The following BCL11B variants were observed in gnomAD, a reference collection of about 807,000 sequenced individuals.
The protein encoded by BCL11B is BCL11 transcription factor B, also known as B-cell lymphoma/leukemia 11B.
Under a neutral mutation model 49.9 loss-of-function variants are expected in BCL11B, and 8 were observed. The observed-to-expected ratio is 0.16, with a 90% CI of 0.09 to 0.29. The LOEUF (loss-of-function observed/expected upper bound fraction) is 0.29. Ranked by LOEUF, BCL11B falls within the 10% of genes least tolerant of loss-of-function variation. The pLI is 1.00. For synonymous variants in BCL11B, 739 were observed against 637.4 expected, an observed-to-expected ratio of 1.16 and a Z score of -2.40; for missense variants, 1,006 against 1,351.0, an observed-to-expected ratio of 0.74 and a Z score of 4.00.
rs759599743 is a variant in BCL11B at position 99,199,683 on chromosome 14, T to TGTGTGTGTGTGTGTGCGCGCGC, written c.641-23489_641-23488insGCGCGCGCACACACACACACAC. Among the ~76,000 whole-genome samples the TGTGTGTGTGTGTGTGCGCGCGC allele has an allele frequency of 5.0e-4, 37 of 73,712 alleles. 1 individual carries two copies. The highest frequency in any genetic ancestry group is 1.2e-3 in the African/African-American group (37 of 29,672). 48.4% of individuals were successfully genotyped at this position (73,712 alleles called of 152,430 possible). On this transcript the variant is annotated intron_variant, in intron 3 of 3. Transcript: ENST00000357195. ...GTGTGTGTGTGTGTGTGTGTGTGTGTGCGCGCGCGCGCGCACGTGCACGTG... is the reference window on the plus strand; with the variant it reads ...GTGTGTGTGTGTGTGTGTGTGTGTGTGTGTGTGTGTGTGTGCGCGCGCGCGCGCGCGCGCGCACGTGCACGTG...
Position 99,231,665 on chromosome 14 carries a change from G to T in BCL11B, c.428-108C>A. On this transcript the variant is annotated intron_variant, in intron 2 of 3. Coordinates refer to ENST00000357195, the MANE Select transcript of BCL11B (RefSeq NM_138576.4). This position sits in a 1 kb window ranked among gnomAD's most constrained non-coding sequence, Gnocchi z 8.1. ...TGGGGCTCTGCTCAGGCCACCCTTCGGGGGTGGGAGGCCCCCGGGGTGCCA... is the reference window on the plus strand; with the variant it reads ...TGGGGCTCTGCTCAGGCCACCCTTCTGGGGTGGGAGGCCCCCGGGGTGCCA... 3 of 1,172,510 alleles carry T rather than the reference G, an allele frequency of 2.6e-6. No individual in the cohort carries two copies. Among genetic ancestry groups the T allele is most frequent in the Non-Finnish European group, 3.6e-6 (3 of 831,294 alleles). 72.6% of individuals were successfully genotyped at this position (1,172,510 alleles called of 1,614,324 possible). A position where few individuals can be genotyped will look rare whatever the true frequency, so the allele number is the denominator to read the frequency against.
chr14:99,235,594 C>T (rs1257460612), intron 2 of BCL11B, among the ~76,000 whole-genome samples: 1 of 152,176 alleles, frequency 6.6e-6, no homozygotes, highest in Admixed American at 6.5e-5. Flanking sequence ...ATATTCATCT[C>T]TGAGGCTCAA....
At chr14:99,220,261 G>A (rs956400814) in intron 3 of BCL11B, among the ~76,000 whole-genome samples, 31 of 152,148 alleles carry the variant, frequency 2.0e-4, no homozygotes, top group African/African-American at 7.2e-4. Context: ...CAAAAGAACT[G>A]AAAGCAAGGA....
intron 2 of BCL11B, among the ~76,000 whole-genome samples, chr14:99,235,965 G>T (rs188734865): frequency 1.3e-5 from 2 of 152,202 alleles, no homozygotes; most frequent in Non-Finnish European, 1.5e-5. Flanking sequence ...TAATGAGGGC[G>T]ATTGATGGCT....
In BCL11B at chr14:99,175,270, G is replaced by C. The variant is rs1433770461; in HGVS notation, c.1566C>G (p.Ser522Arg). 3.9e-6 allele frequency: 6 copies of C among 1,541,164 alleles called. No homozygotes were observed. The East Asian group carries it at 1.5e-4, about 38-fold the overall frequency. The change falls in exon 4 of 4, where the codon AGC (serine) becomes AGG (arginine). Residue 522 changes from serine to arginine, a missense_variant. By Grantham distance (110) the Ser-to-Arg change is moderately radical. Coordinates refer to ENST00000357195, the MANE Select transcript of BCL11B (RefSeq NM_138576.4). ...AADGDFRHHE[S>R]DPSLGHEPEE... ...CCGGCTCGTGGCCCAGCGACGGGTCGCTCTCGTGGTGGCGGAAGTCACCGT... is the reference window on the plus strand; with the variant it reads ...CCGGCTCGTGGCCCAGCGACGGGTCCCTCTCGTGGTGGCGGAAGTCACCGT...
In BCL11B at chr14:99,213,364, C is replaced by T. The variant is rs922175646; in HGVS notation, c.640+17981G>A. On this transcript the variant is annotated intron_variant, in intron 3 of 3. Transcript: ENST00000357195. This position sits in a 1 kb window ranked among gnomAD's most constrained non-coding sequence, Gnocchi z 5.1. The stretch of plus-strand genomic sequence containing the variant: ...AGGCTGCCACCCAGAATGCCCGGCA[C>T]GTTATTCAGCAATGAGGTATAATTG... Among the ~76,000 whole-genome samples, 7 of 152,154 alleles carry T rather than the reference C, an allele frequency of 4.6e-5. No individual in the cohort carries two copies. Among genetic ancestry groups the T allele is most frequent in the Non-Finnish European group, 7.4e-5 (5 of 68,026 alleles).
At position 99,171,993 on chromosome 14, in the gene BCL11B, T is replaced by C. The variant is rs1204768188; in HGVS notation, c.*2158A>G. ...ACCCCGTCACCAAAAGAAAACAATA[T>C]ACACGCGGCCACTGTGGCATTTTTG... On this transcript the variant is annotated 3_prime_UTR_variant, in exon 4 of 4. Transcript: ENST00000357195. 9.7e-6 allele frequency: 2 copies of C among 206,790 alleles called. No homozygotes were observed. Among genetic ancestry groups the C allele is most frequent in the Non-Finnish European group, 2.0e-5 (2 of 101,236 alleles). 12.8% of individuals were successfully genotyped at this position (206,790 alleles called of 1,614,324 possible). A position where few individuals can be genotyped will look rare whatever the true frequency, so the allele number is the denominator to read the frequency against.
At chr14:99,236,747 C>G (rs536417059) in intron 2 of BCL11B, among the ~76,000 whole-genome samples, 5 of 152,098 alleles carry the variant, frequency 3.3e-5, no homozygotes, top group Non-Finnish European at 5.9e-5. Context: ...GGGCCTGGCC[C>G]GGGGATCTTC....
chr14:99,262,380 C>T lies in BCL11B; in HGVS notation c.59-4541G>A, dbSNP rs753568282. Among the ~76,000 whole-genome samples the T allele has an allele frequency of 3.3e-5, 5 of 152,224 alleles. No individual in the cohort carries two copies. The highest frequency in any genetic ancestry group is 5.9e-5 in the Non-Finnish European group (4 of 68,046). On this transcript the variant is annotated intron_variant, in intron 1 of 3. Coordinates refer to ENST00000357195, the MANE Select transcript of BCL11B (RefSeq NM_138576.4). The surrounding 1 kb of genome is among the most constrained non-coding windows in gnomAD (Gnocchi z 4.2). The stretch of plus-strand genomic sequence containing the variant: ...CATACACAGTACGTGGGCTGCTGCT[C>T]CTCCTTACCCTGCATTAATTCAAAT...
Position 99,187,403 on chromosome 14 carries a change from G to A in BCL11B, c.641-11208C>T, listed in dbSNP as rs953552420. ...ATCCACTGGAAATAATAAAGAATGCGTTGTCAGAGTCCCTTGAAATCTGCT... is the reference window on the plus strand; with the variant it reads ...ATCCACTGGAAATAATAAAGAATGCATTGTCAGAGTCCCTTGAAATCTGCT... On this transcript the variant is annotated intron_variant, in intron 3 of 3. Transcript: ENST00000357195. Among the ~76,000 whole-genome samples, 26 of 152,150 alleles carry A rather than the reference G, an allele frequency of 1.7e-4. 1 individual carries two copies. Among genetic ancestry groups the A allele is most frequent in the Non-Finnish European group, 8.8e-5 (6 of 68,038 alleles).
chr14:99,183,059 G>C (rs556169711), intron 3 of BCL11B, among the ~76,000 whole-genome samples: 676 of 64,302 alleles, frequency 0.011, 6 homozygotes, highest in African/African-American at 0.043. Context: ...CACACTCCAG[G>C]GGGGAGACAG....
chr14:99,255,624 T>G (rs978957470), intron 2 of BCL11B, among the ~76,000 whole-genome samples: 1 of 152,110 alleles, frequency 6.6e-6, no homozygotes, highest in Non-Finnish European at 1.5e-5. Context: ...AATCTTTCCA[T>G]GGAAACATAA....
At chr14:99,223,805 A>G (rs1765161782) in intron 3 of BCL11B, among the ~76,000 whole-genome samples, 1 of 152,218 alleles carries the variant, frequency 6.6e-6, no homozygotes, top group Admixed American at 6.5e-5. Flanking sequence ...CCTCTCAGCA[A>G]TGCGACCACA....
chr14:99,201,074 C>G (rs1162332222), intron 3 of BCL11B, among the ~76,000 whole-genome samples: 1 of 152,214 alleles, frequency 6.6e-6, no homozygotes, highest in Admixed American at 6.5e-5. Context: ...CCCACCAGGC[C>G]TCCAGCATTT....
Position 99,174,032 on chromosome 14 carries a change from C to T in BCL11B, c.*119G>A. Reference sequence around the variant, plus strand: ...AGGTTAGGTTGGAGTGCCGCCTCCCCTGGGCCCCGGGGACACGCGGGGTGC... The same window carrying T: ...AGGTTAGGTTGGAGTGCCGCCTCCCTTGGGCCCCGGGGACACGCGGGGTGC... On this transcript the variant is annotated 3_prime_UTR_variant, in exon 4 of 4. Coordinates refer to ENST00000357195, the MANE Select transcript of BCL11B (RefSeq NM_138576.4). 2 of 1,070,332 alleles carry T rather than the reference C, an allele frequency of 1.9e-6. No individual in the cohort carries two copies. Among genetic ancestry groups the T allele is most frequent in the Non-Finnish European group, 2.7e-6 (2 of 748,548 alleles). The allele number at this position is 1,070,332 out of a possible 1,614,324, so 66.3% of individuals were successfully genotyped here.
chr14:99,255,941 A>G (rs1889151677), intron 2 of BCL11B, among the ~76,000 whole-genome samples: 1 of 152,232 alleles, frequency 6.6e-6, no homozygotes, highest in African/African-American at 2.4e-5. Flanking sequence ...CCAGAGGCCA[A>G]TCTGGTTCAC....
chr14:99,180,472 C>A (rs761652855), intron 3 of BCL11B, among the ~76,000 whole-genome samples: 1 of 152,168 alleles, frequency 6.6e-6, no homozygotes, highest in Non-Finnish European at 1.5e-5. Flanking sequence ...AAATGCAATA[C>A]CCTGGGTCAT....
chr14:99,251,363 C>T (rs898579868), intron 2 of BCL11B, among the ~76,000 whole-genome samples: 14 of 152,142 alleles, frequency 9.2e-5, no homozygotes, highest in Non-Finnish European at 1.6e-4. Flanking sequence ...TATACCTTGT[C>T]TGAATCAAAC....
chr14:99,258,052 G>A (rs1566833267), intron 1 of BCL11B, among the ~76,000 whole-genome samples: 1 of 152,152 alleles, frequency 6.6e-6, no homozygotes, highest in Non-Finnish European at 1.5e-5. Context: ...GAGCAACGTC[G>A]TGCCCCCTGG....
Sources: allele counts gnomAD v4.1 joint callset (sites outside exome capture counted in the v4.1 genomes callset), GRCh38; gene constraint gnomAD v4.1.1; non-coding constraint Gnocchi (gnomAD v3.1); transcripts MANE v1.5; gene names NCBI Gene and HGNC (gene_info 2026-07-23, HGNC 2026-07-21).